TNRC6A: variants seen among roughly 807,000 people sequenced by gnomAD.
TNRC6A encodes the protein trinucleotide repeat containing adaptor 6A.
A neutral mutation model predicts 221.2 loss-of-function variants in TNRC6A; 44 were observed. That is an observed-to-expected ratio of 0.20 (90% CI 0.16 to 0.26). The LOEUF is 0.26. Ranked by LOEUF, TNRC6A falls within the 10% of genes least tolerant of loss-of-function variation. The pLI is 1.00. For missense variants in TNRC6A, 2,199 were observed against 2,404.4 expected (o/e 0.91, Z 1.79); for synonymous variants, 847 against 838.5 (o/e 1.01, Z -0.18).
chr16:24,765,490 A>G (rs112685724), intron 4 of TNRC6A, among the ~76,000 whole-genome samples: 30 of 152,316 alleles, frequency 2.0e-4, no homozygotes, highest in African/African-American at 7.0e-4. Flanking sequence ...CACAGTCTAC[A>G]TAGTAGAAAT....
At chr16:24,664,633 T>G (rs986366212) in intron 2 of TNRC6A, among the ~76,000 whole-genome samples, 2 of 141,906 alleles carry the variant, frequency 1.4e-5, no homozygotes, top group African/African-American at 2.6e-5. Flanking sequence ...ATATATATTA[T>G]TAATAAATAT....
intron 2 of TNRC6A, among the ~76,000 whole-genome samples, chr16:24,657,333 AAAAAAAAAAC>A (rs1319907678): frequency 1.4e-5 from 2 of 146,116 alleles, no homozygotes; most frequent in Non-Finnish European, 3.0e-5. Context: ...AAAAAAAAAA[AAAAAAAAAAC>A]AAACAAACAA....
intron 17 of TNRC6A, among the ~76,000 whole-genome samples, chr16:24,808,558 A>C (rs768932839): frequency 1.3e-5 from 2 of 152,222 alleles, no homozygotes; most frequent in Non-Finnish European, 2.9e-5. Flanking sequence ...TCAACTCCTG[A>C]TCCGATTGAT....
intron 2 of TNRC6A, among the ~76,000 whole-genome samples, chr16:24,671,935 A>C (rs1320248425): frequency 6.6e-6 from 1 of 152,170 alleles, no homozygotes; most frequent in African/African-American, 2.4e-5. Context: ...ACCAAATGCA[A>C]TTTCTGATCC....
intron 2 of TNRC6A, among the ~76,000 whole-genome samples, chr16:24,649,474 A>C (rs1902508414): frequency 6.6e-6 from 1 of 150,954 alleles, no homozygotes; most frequent in Admixed American, 6.6e-5. Context: ...ACACCCAGCT[A>C]ATTTTTTTAT....
chr16:24,790,972 C>T lies in TNRC6A; in HGVS notation c.2330C>T (p.Thr777Ile), dbSNP rs762265521. The change falls in exon 6 of 25, where the codon ACC becomes ATC. Residue 777 changes from threonine (T) to isoleucine (I), a missense_variant. Physicochemically the swap from Thr to Ile is moderately conservative, Grantham distance 89. Coordinates refer to ENST00000395799, the MANE Select transcript of TNRC6A (RefSeq NM_014494.4). Reference protein sequence around the residue: ...IDKTSPNGNDTSSVSGWGDPK... With the variant: ...IDKTSPNGNDISSVSGWGDPK... ...AAGACTAGCCCTAATGGTAATGATA[C>T]CTCATCTGTATCAGGGTGGGGCGAT... The T allele has an allele frequency of 1.2e-6, 2 of 1,607,720 alleles. No homozygotes were observed. Among genetic ancestry groups the T allele is most frequent in the Non-Finnish European group, 1.7e-6 (2 of 1,176,934 alleles).
intron 1 of TNRC6A, among the ~76,000 whole-genome samples, chr16:24,622,581 G>A (rs942636455): frequency 2.0e-5 from 3 of 152,168 alleles, no homozygotes; most frequent in Non-Finnish European, 2.9e-5. Context: ...GTGACAGAGA[G>A]AGACTGCATC....
chr16:24,618,432 T>C (rs1436100934), intron 1 of TNRC6A, among the ~76,000 whole-genome samples: 1 of 152,156 alleles, frequency 6.6e-6, no homozygotes, highest in Non-Finnish European at 1.5e-5. Context: ...AGCTTTATGG[T>C]GTAAATATAA....
intron 18 of TNRC6A, among the ~76,000 whole-genome samples, chr16:24,809,977 T>C (rs2058510648): frequency 6.6e-6 from 1 of 152,112 alleles, no homozygotes; most frequent in South Asian, 2.1e-4. Context: ...CATGCCCGGC[T>C]AATTTTTGTA....
intron 2 of TNRC6A, among the ~76,000 whole-genome samples, chr16:24,659,519 G>A (rs564021757): frequency 3.1e-4 from 47 of 151,888 alleles, no homozygotes; most frequent in African/African-American, 9.9e-4. Context: ...CATGGCTCAC[G>A]GCAGCCTCTG....
intron 1 of TNRC6A, among the ~76,000 whole-genome samples, chr16:24,633,204 G>A (rs1901441329): frequency 6.6e-6 from 1 of 151,982 alleles, no homozygotes; most frequent in Admixed American, 6.6e-5. Context: ...ATATGCAGCT[G>A]CTTGACTTAT....
chr16:24,645,462 C>T (rs1231942607), intron 2 of TNRC6A, among the ~76,000 whole-genome samples: 1 of 151,482 alleles, frequency 6.6e-6, no homozygotes, highest in Non-Finnish European at 1.5e-5. Flanking sequence ...TGCACTCCAG[C>T]CTGGGCAACA....
intron 4 of TNRC6A, among the ~76,000 whole-genome samples, chr16:24,774,126 G>A (rs1450532157): frequency 1.3e-5 from 2 of 152,066 alleles, no homozygotes; most frequent in African/African-American, 4.8e-5. Flanking sequence ...CCCTTCCAGT[G>A]GTTTGGGTGA....
intron 5 of TNRC6A, among the ~76,000 whole-genome samples, chr16:24,778,953 T>C (rs1332206732): frequency 6.6e-6 from 1 of 152,170 alleles, no homozygotes; most frequent in East Asian, 1.9e-4. Flanking sequence ...GAAGGTGGAA[T>C]GGTACTGAAC....
chr16:24,736,567 T>C (rs541053419), intron 2 of TNRC6A, among the ~76,000 whole-genome samples: 2 of 152,344 alleles, frequency 1.3e-5, no homozygotes, highest in East Asian at 3.9e-4. Context: ...CATTTTGAAA[T>C]AGTCCAGTCT....
chr16:24,611,353 G>A (rs761150842), intron 1 of TNRC6A, among the ~76,000 whole-genome samples: 19 of 152,236 alleles, frequency 1.2e-4, no homozygotes, highest in Non-Finnish European at 2.1e-4. Flanking sequence ...GTGTACGTGC[G>A]TGCACATATG....
intron 1 of TNRC6A, among the ~76,000 whole-genome samples, chr16:24,614,555 G>A (rs982260340): frequency 9.2e-5 from 14 of 152,292 alleles, no homozygotes; most frequent in Admixed American, 3.3e-4. Context: ...GTCTGTTTTG[G>A]ATATGGATTA....
intron 18 of TNRC6A, 79 bp from the exon 19 acceptor site, chr16:24,815,068 C>A: frequency 1.3e-6 from 2 of 1,509,974 alleles, no homozygotes; most frequent in Non-Finnish European, 1.8e-6. Context: ...AGAAAGTGTT[C>A]ATGCTACATT....
At chr16:24,768,012 G>C (rs1040115833) in intron 4 of TNRC6A, among the ~76,000 whole-genome samples, 7 of 152,184 alleles carry the variant, frequency 4.6e-5, no homozygotes, top group African/African-American at 1.7e-4. Context: ...ATTCTGATTA[G>C]TAAGTGTAAG....
Sources: gnomAD v4.1 joint callset for allele counts (sites outside exome capture counted in the v4.1 genomes callset) on GRCh38, gnomAD v4.1.1 for gene constraint, MANE v1.5 for transcripts, NCBI Gene and HGNC (gene_info 2026-07-23, HGNC 2026-07-21) for gene names.